Variants in HSD17B12 observed in about 807,000 individuals in gnomAD.
The protein encoded by HSD17B12 is hydroxysteroid 17-beta dehydrogenase 12.
A neutral mutation model predicts 39.3 loss-of-function variants in HSD17B12; 32 were observed. The ratio of observed to expected loss-of-function variants is 0.81; its 90% CI spans 0.61 to 1.09. The LOEUF (loss-of-function observed/expected upper bound fraction) is 1.09. Among genes scored for constraint, HSD17B12 ranks in the 50% least tolerant of loss-of-function variants. HSD17B12 has a pLI of 0.00. For missense variants in HSD17B12, 342 were observed against 382.9 expected (o/e 0.89, Z 0.89); for synonymous variants, 150 against 146.7 (o/e 1.02, Z -0.16).
intron 3 of HSD17B12, among the ~76,000 whole-genome samples, chr11:43,786,486 T>G (rs143064229): frequency 6.6e-6 from 1 of 152,322 alleles, no homozygotes; most frequent in Non-Finnish European, 1.5e-5. Context: ...CCACCATTGC[T>G]TTTCTCAATA....
the HSD17B12 span, among the ~76,000 whole-genome samples, chr11:43,613,400 A>C: frequency 1.1e-4 from 17 of 151,790 alleles, no homozygotes; most frequent in Non-Finnish European, 2.2e-4. Flanking sequence ...TCAAAAAAAA[A>C]AACAACAAAA....
upstream of HSD17B12, among the ~76,000 whole-genome samples, chr11:43,679,194 G>T (rs531671886): frequency 3.3e-5 from 5 of 152,208 alleles, no homozygotes; most frequent in Non-Finnish European, 7.4e-5. Flanking sequence ...TTTCTTTGAA[G>T]CAATTGTGAA....
chr11:43,733,368 G>A (rs1950286929), intron 1 of HSD17B12, among the ~76,000 whole-genome samples: 1 of 152,096 alleles, frequency 6.6e-6, no homozygotes, highest in African/African-American at 2.4e-5. Context: ...CACCCTCCTA[G>A]GGTTGTTTGG....
At chr11:43,727,350 C>T (rs184677629) in intron 1 of HSD17B12, among the ~76,000 whole-genome samples, 2 of 152,232 alleles carry the variant, frequency 1.3e-5, no homozygotes, top group East Asian at 1.9e-4. Context: ...GCTAACTAAC[C>T]GAAGGTGGCT....
Position 43,798,763 on chromosome 11 carries a change from C to T in HSD17B12, c.391+336C>T, listed in dbSNP as rs779699247. On this transcript the variant is annotated intron_variant, in intron 4 of 10. Transcript: ENST00000278353. Reference sequence around the variant, plus strand: ...CTGATATAAAATGCCTTAGTATTTGCGTATAGCTTATGCGCATCCTTCTGT... The same window carrying T: ...CTGATATAAAATGCCTTAGTATTTGTGTATAGCTTATGCGCATCCTTCTGT... 5.3e-5 allele frequency among the ~76,000 whole-genome samples: 8 copies of T among 152,066 alleles called. No homozygotes were observed. The South Asian group carries it at 8.3e-4, about 16-fold the overall frequency.
At chr11:43,746,495 G>C (rs1169729530) in intron 1 of HSD17B12, among the ~76,000 whole-genome samples, 3 of 152,104 alleles carry the variant, frequency 2.0e-5, no homozygotes, top group Non-Finnish European at 2.9e-5. Context: ...CCATTGGAAG[G>C]TCTTCAGACT....
the HSD17B12 span, among the ~76,000 whole-genome samples, chr11:43,669,867 T>C: frequency 6.6e-6 from 1 of 152,190 alleles, no homozygotes; most frequent in Non-Finnish European, 1.5e-5. Flanking sequence ...GTTGTGGGGT[T>C]AGGACTTTAA....
At chr11:43,800,026 A>T (rs1950951693) in intron 4 of HSD17B12, among the ~76,000 whole-genome samples, 1 of 152,236 alleles carries the variant, frequency 6.6e-6, no homozygotes, top group Admixed American at 6.5e-5. Context: ...TCTTAAATAT[A>T]TGTATTGCTG....
At chr11:43,695,845 T>C (rs1204001974) in intron 1 of HSD17B12, among the ~76,000 whole-genome samples, 1 of 152,154 alleles carries the variant, frequency 6.6e-6, no homozygotes, top group Non-Finnish European at 1.5e-5. Context: ...TAAATACATA[T>C]ATTTCTAACT....
the HSD17B12 span, among the ~76,000 whole-genome samples, chr11:43,616,210 C>CT: frequency 2.6e-5 from 4 of 152,072 alleles, no homozygotes; most frequent in African/African-American, 9.7e-5. Flanking sequence ...GAGTTCAAGA[C>CT]CAGCCTGGGC....
chr11:43,619,204 T>C, the HSD17B12 span, among the ~76,000 whole-genome samples: 6 of 52,058 alleles, frequency 1.2e-4, no homozygotes, highest in African/African-American at 4.0e-4. Context: ...ATATGATATA[T>C]ATATATATAA....
chr11:43,580,989 G>A, the HSD17B12 span, among the ~76,000 whole-genome samples: 1 of 152,090 alleles, frequency 6.6e-6, no homozygotes, highest in African/African-American at 2.4e-5. Flanking sequence ...AGGGATAAGA[G>A]GGGATTCGGG....
the HSD17B12 span, among the ~76,000 whole-genome samples, chr11:43,557,563 T>C: frequency 6.6e-6 from 1 of 152,170 alleles, no homozygotes; most frequent in African/African-American, 2.4e-5. Context: ...TATTCGTGGG[T>C]AAAATGAAAT....
chr11:43,569,323 C>G, the HSD17B12 span: 3 of 152,194 alleles, frequency 2.0e-5, no homozygotes, highest in Non-Finnish European at 4.4e-5. Flanking sequence ...GATAACAACA[C>G]AGAAATAACA....
chr11:43,602,118 T>C, the HSD17B12 span, among the ~76,000 whole-genome samples: 394 of 152,364 alleles, frequency 2.6e-3, 3 homozygotes, highest in African/African-American at 8.7e-3. Flanking sequence ...TGGATCTTTC[T>C]CTGGGTTCAT....
chr11:43,557,703 C>CA, the HSD17B12 span, among the ~76,000 whole-genome samples: 1 of 152,124 alleles, frequency 6.6e-6, no homozygotes, highest in Non-Finnish European at 1.5e-5. Context: ...AGGCTCCTGA[C>CA]AAAGTTTGCA....
At chr11:43,602,232 T>C in the HSD17B12 span, among the ~76,000 whole-genome samples, 1 of 152,228 alleles carries the variant, frequency 6.6e-6, no homozygotes, top group Non-Finnish European at 1.5e-5. Flanking sequence ...TCAATACATG[T>C]TCATTGTAAC....
At chr11:43,734,979 T>C (rs555538331) in intron 1 of HSD17B12, among the ~76,000 whole-genome samples, 1 of 152,340 alleles carries the variant, frequency 6.6e-6, no homozygotes, top group South Asian at 2.1e-4. Context: ...TTTCTTCCTC[T>C]ATGGACTTAC....
chr11:43,560,590 A>G, the HSD17B12 span, among the ~76,000 whole-genome samples: 1 of 152,126 alleles, frequency 6.6e-6, no homozygotes, highest in African/African-American at 2.4e-5. Flanking sequence ...ACTTGCCCCG[A>G]GTCTCACTGA....
Sources: gnomAD v4.1 joint callset for allele counts (sites outside exome capture counted in the v4.1 genomes callset) on GRCh38, gnomAD v4.1.1 for gene constraint, MANE v1.5 for transcripts, NCBI Gene and HGNC (gene_info 2026-07-23, HGNC 2026-07-21) for gene names.